FRMD4B: variants seen among roughly 807,000 people sequenced by gnomAD.
FRMD4B encodes FERM domain-containing protein 4B.
In FRMD4B, 74 loss-of-function variants were observed where a neutral mutation model predicts 141.5. That is an observed-to-expected ratio of 0.52 (90% CI 0.43 to 0.63). The LOEUF (loss-of-function observed/expected upper bound fraction) is 0.63, where lower values mean the gene tolerates loss of function less well. Among genes scored for constraint, FRMD4B ranks in the 30% least tolerant of loss-of-function variants. The probability of loss-of-function intolerance (pLI) is 0.00; values close to 1 mark genes in which losing one functional copy is unlikely to be tolerated. For synonymous variants in FRMD4B, 506 were observed against 467.9 expected, an observed-to-expected ratio of 1.08 and a Z score of -1.05; for missense variants, 1,366 against 1,253.4, an observed-to-expected ratio of 1.09 and a Z score of -1.36.
chr3:69,312,594 C>T (rs555733857), intron 2 of FRMD4B, among the ~76,000 whole-genome samples: 3 of 152,272 alleles, frequency 2.0e-5, no homozygotes, highest in African/African-American at 7.2e-5. Context: ...AGAGAAGCAT[C>T]AACAATAAAA....
intron 1 of FRMD4B, among the ~76,000 whole-genome samples, chr3:69,479,475 T>C (rs1706075051): frequency 6.6e-6 from 1 of 152,168 alleles, no homozygotes; most frequent in Non-Finnish European, 1.5e-5. Context: ...AAGCTTAGTT[T>C]GGCTAGATAT....
chr3:69,486,912 C>A (rs1706224452), intron 1 of FRMD4B, among the ~76,000 whole-genome samples: 1 of 152,150 alleles, frequency 6.6e-6, no homozygotes, highest in East Asian at 1.9e-4. Context: ...AAAGACAAAA[C>A]AGGATAAATA....
chr3:69,368,156 C>T (rs80301036), intron 1 of FRMD4B, among the ~76,000 whole-genome samples: 26,515 of 152,066 alleles, frequency 0.17, 2,566 homozygotes, highest in African/African-American at 0.24. Context: ...TGGCACTCTC[C>T]CATTTAAACC....
intron 1 of FRMD4B, among the ~76,000 whole-genome samples, chr3:69,317,520 G>A (rs750512323): frequency 7.9e-5 from 12 of 152,124 alleles, no homozygotes; most frequent in Non-Finnish European, 1.5e-4. Flanking sequence ...GCCGAGGCAG[G>A]AGGATCACTT....
chr3:69,272,092 T>G (rs1180069888), intron 5 of FRMD4B, among the ~76,000 whole-genome samples: 1 of 152,204 alleles, frequency 6.6e-6, no homozygotes, highest in Non-Finnish European at 1.5e-5. Context: ...TTGATCAATA[T>G]CAGTCTTCTG....
intron 8 of FRMD4B, among the ~76,000 whole-genome samples, chr3:69,223,104 T>C (rs906591273): frequency 6.6e-6 from 1 of 152,240 alleles, no homozygotes; most frequent in Admixed American, 6.5e-5. Flanking sequence ...AAAACCCTTT[T>C]ATTGCCCTAG....
intron 1 of FRMD4B, among the ~76,000 whole-genome samples, chr3:69,540,690 C>T (rs6802135): frequency 0.011 from 1,369 of 125,228 alleles, 30 homozygotes; most frequent in African/African-American, 0.034. Flanking sequence ...CACACACACA[C>T]ACGGCAGTTA....
chr3:69,386,341 G>C (rs540617293), upstream of FRMD4B: 1 of 208,078 alleles, frequency 4.8e-6, no homozygotes, highest in East Asian at 1.1e-4. Flanking sequence ...TCCCCAGGGC[G>C]CGGGGCAGGG....
chr3:69,481,435 C>G (rs957507143), intron 1 of FRMD4B, among the ~76,000 whole-genome samples: 1 of 152,050 alleles, frequency 6.6e-6, no homozygotes, highest in Non-Finnish European at 1.5e-5. Flanking sequence ...TCATTTGTTA[C>G]CTATCAGGAC....
At chr3:69,471,805 G>T (rs9310157) in intron 1 of FRMD4B, 1 of 155,190 alleles carries the variant, frequency 6.4e-6, no homozygotes, top group Non-Finnish European at 1.5e-5. Context: ...TGTTCAGTGC[G>T]TTTTCAAAAA....
intron 11 of FRMD4B, among the ~76,000 whole-genome samples, chr3:69,215,022 C>G (rs141076622): frequency 6.7e-6 from 1 of 150,308 alleles, no homozygotes; most frequent in African/African-American, 2.4e-5. Flanking sequence ...TGGGACTATA[C>G]GCGCATGCCG....
chr3:69,351,610 C>T (rs17350262), intron 1 of FRMD4B, among the ~76,000 whole-genome samples: 45,493 of 151,990 alleles, frequency 0.3, 7,853 homozygotes, highest in Non-Finnish European at 0.39. Context: ...CCAAGATGCA[C>T]GCACCCATGT....
intron 11 of FRMD4B, among the ~76,000 whole-genome samples, chr3:69,205,445 G>A (rs962395891): frequency 6.6e-6 from 1 of 152,150 alleles, no homozygotes; most frequent in Middle Eastern, 3.2e-3. Flanking sequence ...CTGGGCTCAA[G>A]GAATCCTTCC....
At chr3:69,260,415 C>G (rs1276226221) in intron 5 of FRMD4B, among the ~76,000 whole-genome samples, 1 of 152,346 alleles carries the variant, frequency 6.6e-6, no homozygotes, top group East Asian at 1.9e-4. Flanking sequence ...GGCTTAGCAC[C>G]CAGCCAGCAG....
chr3:69,182,946 AC>A (rs949404553), intron 19 of FRMD4B, among the ~76,000 whole-genome samples: 13 of 152,160 alleles, frequency 8.5e-5, no homozygotes, highest in African/African-American at 2.9e-4. Flanking sequence ...GAAAAAAAGG[AC>A]TTTTAATAAA....
chr3:69,183,094 A>T (rs2092726290), intron 19 of FRMD4B, among the ~76,000 whole-genome samples: 2 of 152,138 alleles, frequency 1.3e-5, no homozygotes, highest in Non-Finnish European at 2.9e-5. Flanking sequence ...CCTTTTTTGT[A>T]AACAGTCTAG....
intron 1 of FRMD4B, among the ~76,000 whole-genome samples, chr3:69,370,491 T>C (rs1703794775): frequency 6.6e-6 from 1 of 152,238 alleles, no homozygotes; most frequent in Non-Finnish European, 1.5e-5. Context: ...TAAGCTACTC[T>C]GCTATCTAAA....
chr3:69,270,747 G>A (rs1328928597), intron 5 of FRMD4B, among the ~76,000 whole-genome samples: 1 of 151,830 alleles, frequency 6.6e-6, no homozygotes, highest in African/African-American at 2.4e-5. Flanking sequence ...TGTATTTTTA[G>A]TAGAGACAGG....
chr3:69,397,833 T>C lies in FRMD4B; in HGVS notation c.-1+34801A>G, dbSNP rs563587930. 3.9e-5 allele frequency among the ~76,000 whole-genome samples: 6 copies of C among 152,266 alleles called. 1 individual carries two copies. Among genetic ancestry groups the C allele is most frequent in the African/African-American group, 7.2e-5 (3 of 41,540 alleles). ...CACTCTGTAAATACACAGAAATCCA[T>C]TGAGTTGTACATTTTACATAGGTGA... is the stretch of plus-strand genomic sequence containing the variant. On this transcript the variant is annotated intron_variant, in intron 2 of 5. Transcript: ENST00000459638.
Sources: allele counts gnomAD v4.1 joint callset (sites outside exome capture counted in the v4.1 genomes callset), GRCh38; gene constraint gnomAD v4.1.1; transcripts MANE v1.5; gene names NCBI Gene and HGNC (gene_info 2026-07-23, HGNC 2026-07-21).